The following PLCXD1 variants were observed in gnomAD, a reference collection of about 807,000 sequenced individuals.
PLCXD1 encodes PI-PLC X domain-containing protein 1.
PLCXD1 carries 45 observed loss-of-function variants against 37.8 expected under a neutral mutation model. The observed-to-expected ratio is 1.19, with a 90% CI of 0.94 to 1.53. The LOEUF is 1.53. PLCXD1 is among the 40% of genes most tolerant of loss of function. The pLI is 0.00. For synonymous variants in PLCXD1, 246 were observed against 206.9 expected (o/e 1.19, Z -1.62); for missense variants, 539 against 454.7 (o/e 1.19, Z -1.69).
chrX:282,538 C>G (rs2069303019), intron 1 of PLCXD1, among the ~76,000 whole-genome samples: 2 of 149,868 alleles, frequency 1.3e-5, no homozygotes, highest in South Asian at 2.1e-4. Context: ...AACCCCGTCT[C>G]TACCAAAAAT....
At position 294,294 on chromosome X, in the gene PLCXD1, A is replaced by AAC. The variant is rs1411173027; in HGVS notation, c.733+1078_733+1079dup. Among the ~76,000 whole-genome samples, 10 of 152,206 alleles carry AAC rather than the reference A, an allele frequency of 6.6e-5. No homozygotes were observed. The South Asian group carries it at 1.7e-3, about 25-fold the overall frequency. On this transcript the variant is annotated intron_variant, in intron 6 of 6. Transcript: ENST00000381657. The stretch of plus-strand genomic sequence containing the variant: ...TCAGGAGATCGAGACCATCCCGGCT[A>AAC]ACATGGAGAAACCCCGTCTCTACTA...
At chrX:288,236 AG>A (rs1261718786) in intron 2 of PLCXD1, among the ~76,000 whole-genome samples, 16 of 152,086 alleles carry the variant, frequency 1.1e-4, no homozygotes, top group Non-Finnish European at 2.4e-4. Context: ...GGTTCTGGGC[AG>A]GGGGTTAGGA....
chrX:289,185 T>C (rs1225445071), intron 3 of PLCXD1, among the ~76,000 whole-genome samples: 1 of 152,052 alleles, frequency 6.6e-6, no homozygotes, highest in Non-Finnish European at 1.5e-5. Context: ...CTGCCTGGGT[T>C]CAAGCGATTC....
intron 1 of PLCXD1, among the ~76,000 whole-genome samples, chrX:282,899 CTATATTATATATGTA>C (rs1179025301): frequency 7.0e-6 from 1 of 142,438 alleles, no homozygotes; most frequent in Non-Finnish European, 1.5e-5. Flanking sequence ...TTATATATGT[CTATATTATATATGTA>C]TATATGTTAT....
Position 290,728 on chromosome X carries a change from G to C in PLCXD1, c.345G>C (p.Glu115Asp), listed in dbSNP as rs1451748190. 1.2e-6 allele frequency: 2 copies of C among 1,613,876 alleles called. No homozygotes were observed. Among genetic ancestry groups the C allele is most frequent in the Non-Finnish European group, 1.7e-6 (2 of 1,179,830 alleles). The change falls in exon 4 of 7, where the codon GAG (glutamate) becomes GAC (aspartate). Residue 115 changes from glutamate (E) to aspartate (D), a missense_variant. Transcript: ENST00000381657. ...TAGCCCACATGCTGGAGGGCTCGGA[G>C]AAGAACCTGCACTTTGTCCATATGG... ...LRIAHMLEGS[E>D]KNLHFVHMVY...
At chrX:294,790 C>T (rs1258804133) in intron 6 of PLCXD1, among the ~76,000 whole-genome samples, 16 of 152,052 alleles carry the variant, frequency 1.1e-4, no homozygotes, top group African/African-American at 3.1e-4. Flanking sequence ...GGCAACAGAG[C>T]GAGACTCTGT....
At chrX:285,447 C>T (rs2069421345) in intron 2 of PLCXD1, among the ~76,000 whole-genome samples, 1 of 152,102 alleles carries the variant, frequency 6.6e-6, no homozygotes, top group African/African-American at 2.4e-5. Flanking sequence ...TGTACATGCA[C>T]AGACACACGT....
At chrX:289,655 G>T (rs1332841362) in intron 3 of PLCXD1, among the ~76,000 whole-genome samples, 42 of 151,650 alleles carry the variant, frequency 2.8e-4, no homozygotes, top group Admixed American at 2.8e-3. Context: ...GGGACTACAG[G>T]CTCCCGCGAC....
At chrX:285,451 C>T (rs2069421555) in intron 2 of PLCXD1, among the ~76,000 whole-genome samples, 3 of 152,262 alleles carry the variant, frequency 2.0e-5, no homozygotes, top group Middle Eastern at 6.8e-3. Context: ...CATGCACAGA[C>T]ACACGTGCAC....
In PLCXD1 at chrX:299,493, A is replaced by C; in HGVS notation, c.*158A>C. On this transcript the variant is annotated 3_prime_UTR_variant, in exon 7 of 7. Transcript: ENST00000381657. ...AGAGATGGGGTGGCTGGGCGTGGTGACTTCGCCTGTCTTCCCAGCACTTTG... is the reference window on the plus strand; with the variant it reads ...AGAGATGGGGTGGCTGGGCGTGGTGCCTTCGCCTGTCTTCCCAGCACTTTG... 1.5e-6 allele frequency: 1 copy of C among 656,186 alleles called. No homozygotes were observed. Among genetic ancestry groups the C allele is most frequent in the East Asian group, 2.7e-5 (1 of 36,830 alleles). The allele number at this position is 656,186 out of a possible 1,614,324, so 40.6% of individuals were successfully genotyped here. A position where few individuals can be genotyped will look rare whatever the true frequency, so the allele number is the denominator to read the frequency against.
chrX:299,658 C>T lies in PLCXD1; in HGVS notation c.*323C>T. On this transcript the variant is annotated 3_prime_UTR_variant, in exon 7 of 7. Transcript: ENST00000381657. ...TGTAGTCCCAGTTACTCGGGAGGCTCAGGCAGGAGAACTGCTTGAAGCCGG... is the reference window on the plus strand; with the variant it reads ...TGTAGTCCCAGTTACTCGGGAGGCTTAGGCAGGAGAACTGCTTGAAGCCGG... 1 of 457,866 alleles carries T rather than the reference C, an allele frequency of 2.2e-6. No homozygotes were observed. 28.4% of individuals were successfully genotyped at this position (457,866 alleles called of 1,614,324 possible). A position where few individuals can be genotyped will look rare whatever the true frequency, so the allele number is the denominator to read the frequency against.
chrX:303,224 C>T lies in PLCXD1; in HGVS notation c.*3889C>T, dbSNP rs1390195238. ...GCAGGATCAGGGCTCGGGCAGGCCC[C>T]GCGGAGATGAAGAATTTGCAGGGAG... On this transcript the variant is annotated 3_prime_UTR_variant, in exon 7 of 7. Transcript: ENST00000381657. 4 of 152,156 alleles carry T rather than the reference C, an allele frequency of 2.6e-5. No homozygotes were observed. Among genetic ancestry groups the T allele is most frequent in the Non-Finnish European group, 2.9e-5 (2 of 68,046 alleles). The allele number at this position is 152,156 out of a possible 1,614,324, so 9.4% of individuals were successfully genotyped here.
chrX:299,132 A>T lies in PLCXD1; in HGVS notation c.769A>T (p.Asn257Tyr). Residue 257 changes from asparagine (N) to tyrosine (Y), a missense_variant, in exon 7 of 7, where the codon AAC becomes TAC. By Grantham distance (143) the Asn-to-Tyr change is moderately radical. Transcript: ENST00000381657. ...LFVAGINLTE[N>Y]LQYVLAHPSE... is the part of the protein sequence containing the mutation. The stretch of plus-strand genomic sequence containing the variant: ...CGTGGCCGGCATCAACCTCACGGAG[A>T]ACCTGCAGTACGTTCTGGCGCACCC... 1 of 1,613,876 alleles carries T rather than the reference A, an allele frequency of 6.2e-7. No homozygotes were observed. The highest frequency in any genetic ancestry group is 8.5e-7 in the Non-Finnish European group (1 of 1,179,834).
rs1569564649 is a variant in PLCXD1 at position 293,038 on chromosome X, G to T, written c.553G>T (p.Val185Leu). The change falls in exon 6 of 7, where the codon GTG becomes TTG. Residue 185 changes from valine to leucine, a missense_variant. By Grantham distance (32) the Val-to-Leu change is conservative. Transcript: ENST00000381657. Reference sequence around the variant, plus strand: ...CCTTAACTCTGGTCCTTTGCAGGAGGTGCCGACACTGCGGCAGCTGTGGTC... The same window carrying T: ...CCTTAACTCTGGTCCTTTGCAGGAGTTGCCGACACTGCGGCAGCTGTGGTC... ...FGDMLCPRGE[V>L]PTLRQLWSRG... 4 of 1,605,810 alleles carry T rather than the reference G, an allele frequency of 2.5e-6. No individual in the cohort carries two copies. Among genetic ancestry groups the T allele is most frequent in the Non-Finnish European group, 3.4e-6 (4 of 1,175,366 alleles).
upstream of PLCXD1, among the ~76,000 whole-genome samples, chrX:279,333 A>C (rs147703800): frequency 9.9e-3 from 1,504 of 152,286 alleles, 24 homozygotes; most frequent in African/African-American, 0.034. Flanking sequence ...TATATGTGCA[A>C]GTCACAGGGG....
intron 1 of PLCXD1, among the ~76,000 whole-genome samples, chrX:283,004 A>G (rs2069323678): frequency 6.8e-6 from 1 of 146,306 alleles, no homozygotes; most frequent in Non-Finnish European, 1.5e-5. Flanking sequence ...TGTATATATT[A>G]TATATGTTAT....
intron 6 of PLCXD1, among the ~76,000 whole-genome samples, chrX:295,449 G>A (rs1451545768): frequency 6.6e-6 from 1 of 152,216 alleles, no homozygotes; most frequent in East Asian, 1.9e-4. Flanking sequence ...CCAGTCACGG[G>A]CCGGGCAAAG....
chrX:290,623 AC>A, intron 3 of PLCXD1, 24 bp from the exon 4 acceptor site: 1 of 1,612,888 alleles, frequency 6.2e-7, no homozygotes. Flanking sequence ...AGCCAGGCAG[AC>A]ATGACAGCAG....
rs947681284 is a variant in PLCXD1, at chrX:302,073, C to G, written c.*2738C>G. 2.9e-4 allele frequency: 44 copies of G among 152,310 alleles called. No homozygotes were observed. Among genetic ancestry groups the G allele is most frequent in the African/African-American group, 1.0e-3 (42 of 41,466 alleles). The allele number at this position is 152,310 out of a possible 1,614,324, so 9.4% of individuals were successfully genotyped here. On this transcript the variant is annotated 3_prime_UTR_variant, in exon 7 of 7. Transcript: ENST00000381657. ...GTCCTGTTGCCCGGTTCTGCCGAAG[C>G]CCCTTGAAGGCTGTGGCCTGGGCTG...
Sources: gnomAD v4.1 joint callset for allele counts (sites outside exome capture counted in the v4.1 genomes callset) on GRCh38, gnomAD v4.1.1 for gene constraint, MANE v1.5 for transcripts, NCBI Gene and HGNC (gene_info 2026-07-23, HGNC 2026-07-21) for gene names.